MCIDAS: variants seen among roughly 807,000 people sequenced by gnomAD.
MCIDAS encodes multicilin.
Under a neutral mutation model 35.4 loss-of-function variants are expected in MCIDAS, and 23 were observed. The observed-to-expected ratio is 0.65, with a 90% CI of 0.47 to 0.92. The LOEUF is 0.92. MCIDAS is among the 40% of genes least tolerant of loss of function. The pLI is 0.00. For synonymous variants in MCIDAS, 228 were observed against 235.2 expected (o/e 0.97, Z 0.28); for missense variants, 480 against 531.8 (o/e 0.90, Z 0.96).
At chr5:55,222,085 G>C in intron 5 of MCIDAS, 91 bp downstream of exon 5, 2 of 1,234,370 alleles carry the variant, frequency 1.6e-6, no homozygotes. Flanking sequence ...CCGACTCACA[G>C]GACCTCATCT....
At chr5:55,222,804 G>T in intron 4 of MCIDAS, 147 bp downstream of exon 4, 1 of 704,792 alleles carries the variant, frequency 1.4e-6, no homozygotes, top group Non-Finnish European at 2.4e-6. Flanking sequence ...CCTAAATATG[G>T]AAAAGGCTGA....
In MCIDAS at chr5:55,223,463, G is replaced by A. The variant is rs113553075; in HGVS notation, c.310-440C>T. 3.5e-3 allele frequency among the ~76,000 whole-genome samples: 531 copies of A among 152,320 alleles called. 2 individuals are homozygous for A. The highest frequency in any genetic ancestry group is 0.011 in the African/African-American group (455 of 41,580). On this transcript the variant is annotated intron_variant, in intron 3 of 6. Coordinates refer to ENST00000513312, the MANE Select transcript of MCIDAS (RefSeq NM_001190787.3). The surrounding 1 kb of genome is among the most constrained non-coding windows in gnomAD (Gnocchi z 4.4). Reference sequence around the variant, plus strand: ...GGTGCGGCGGCCCTGCGCCGGCTCCGGGCAGCCGAGTAGCCCGCCACCCAC... The same window carrying A: ...GGTGCGGCGGCCCTGCGCCGGCTCCAGGCAGCCGAGTAGCCCGCCACCCAC...
intron 3 of MCIDAS, among the ~76,000 whole-genome samples, chr5:55,225,084 T>C (rs1465659810): frequency 1.3e-5 from 2 of 152,184 alleles, no homozygotes; most frequent in African/African-American, 4.8e-5. Flanking sequence ...TGTGTGCACC[T>C]GTAGTCCTGG....
rs910576217 is a variant in MCIDAS, at chr5:55,223,298, C to T, written c.310-275G>A. The stretch of plus-strand genomic sequence containing the variant: ...CGTACCCGAAAATTCAAGCCCCATC[C>T]GAGACAGGGAACCCAGCAGGCTTGC... On this transcript the variant is annotated intron_variant, in intron 3 of 6. Transcript: ENST00000513312. The surrounding 1 kb of genome is among the most constrained non-coding windows in gnomAD (Gnocchi z 4.4). 1.3e-5 allele frequency among the ~76,000 whole-genome samples: 2 copies of T among 152,126 alleles called. No individual in the cohort carries two copies. The highest frequency in any genetic ancestry group is 2.9e-5 in the Non-Finnish European group (2 of 68,026).
intron 4 of MCIDAS, 76 bp from the exon 5 acceptor site, chr5:55,222,475 G>A: frequency 8.6e-7 from 1 of 1,160,912 alleles, no homozygotes; most frequent in African/African-American, 1.5e-5. Flanking sequence ...TGCCACTCTG[G>A]GTGTAGGGTG....
chr5:55,222,897 T>A (rs1446093013), intron 4 of MCIDAS, 54 bp downstream of exon 4: 2 of 1,473,196 alleles, frequency 1.4e-6, no homozygotes, highest in South Asian at 2.4e-5. Context: ...CTAGTCTGAT[T>A]TGGGAGTGGG....
At chr5:55,225,717 T>C (rs1012609539) in intron 3 of MCIDAS, among the ~76,000 whole-genome samples, 2 of 152,228 alleles carry the variant, frequency 1.3e-5, no homozygotes, top group African/African-American at 4.8e-5. Flanking sequence ...CCAGACCTAT[T>C]GCCAGCAAGC....
intron 5 of MCIDAS, among the ~76,000 whole-genome samples, chr5:55,221,474 G>T (rs889448975): frequency 6.6e-6 from 1 of 151,952 alleles, no homozygotes; most frequent in African/African-American, 2.4e-5. Context: ...TAAGTGGGAA[G>T]AAAAAGTATA....
chr5:55,226,825 C>T lies in MCIDAS; in HGVS notation c.217+10G>A. On this transcript the variant is annotated intron_variant, in intron 2 of 6. Transcript: ENST00000513312. The stretch of plus-strand genomic sequence containing the variant: ...AACCCGAGGGGTAGCGTGGGTGCCA[C>T]GGGGCTCACCTGGCAGCGCTGTGGG... 1 of 1,389,378 alleles carries T rather than the reference C, an allele frequency of 7.2e-7. No homozygotes were observed. The highest frequency in any genetic ancestry group is 3.0e-5 in the East Asian group (1 of 33,174). 86.1% of individuals were successfully genotyped at this position (1,389,378 alleles called of 1,614,324 possible).
chr5:55,224,756 C>G (rs1339715627), intron 3 of MCIDAS, among the ~76,000 whole-genome samples: 1 of 152,142 alleles, frequency 6.6e-6, no homozygotes, highest in African/African-American at 2.4e-5. Context: ...TCCACCTTTC[C>G]CAGCAGGAAA....
intron 3 of MCIDAS, among the ~76,000 whole-genome samples, chr5:55,224,472 A>C (rs1745420215): frequency 6.6e-6 from 1 of 152,174 alleles, no homozygotes; most frequent in African/African-American, 2.4e-5. Context: ...CACCTCTGCC[A>C]CTAGTTGGAT....
Position 55,221,086 on chromosome 5 carries a change from G to T in MCIDAS, c.647C>A (p.Ser216Ter), listed in dbSNP as rs1242856584. ...TLTQKQEEIASLKERNVQLKE... is the reference protein window; with the variant it reads ...TLTQKQEEIA ...CAGCTGCACGTTCCGCTCCTTGAGC[G>T]AGGCGATCTCCTCCTGTTTCTGGGT... The change falls in exon 6 of 7, where the codon TCG (serine) becomes TAG (stop). Residue 216 changes from serine to a stop codon, truncating the protein, a stop_gained. Transcript: ENST00000513312. LOFTEE classifies it high-confidence loss of function. The T allele has an allele frequency of 1.3e-6, 2 of 1,536,080 alleles. No homozygotes were observed. The highest frequency in any genetic ancestry group is 2.0e-5 in the Admixed American group (1 of 50,992).
At chr5:55,222,481 G>A (rs1745379704) in intron 4 of MCIDAS, 82 bp from the exon 5 acceptor site, 9 of 1,133,712 alleles carry the variant, frequency 7.9e-6, no homozygotes, top group Middle Eastern at 2.5e-4. Flanking sequence ...TCTGGGTGTA[G>A]GGTGTATGTA....
chr5:55,226,990 C>T (rs752470559), intron 1 of MCIDAS, 29 bp downstream of exon 1: 2 of 1,512,466 alleles, frequency 1.3e-6, no homozygotes, highest in African/African-American at 1.4e-5. Context: ...AGCGCGCAGA[C>T]CCCGCCCGGC....
At position 55,223,949 on chromosome 5, in the gene MCIDAS, G is replaced by A. The variant is rs1293004530; in HGVS notation, c.310-926C>T. On this transcript the variant is annotated intron_variant, in intron 3 of 6. Transcript: ENST00000513312. This position sits in a 1 kb window ranked among gnomAD's most constrained non-coding sequence, Gnocchi z 4.4. ...GGAAAGGAGACCCTAAGGGGCTGGA[G>A]GCGCATAGGCCTTCTTGTTCCCTTA... Among the ~76,000 whole-genome samples, 2 of 152,146 alleles carry A rather than the reference G, an allele frequency of 1.3e-5. No individual in the cohort carries two copies. Among genetic ancestry groups the A allele is most frequent in the Non-Finnish European group, 2.9e-5 (2 of 68,032 alleles).
Position 55,227,189 on chromosome 5 carries a change from G to A in MCIDAS, c.-51C>T. ...CTGCTCGGAGGCGGCGGCCCGGGCT[G>A]GGGCAGCGATCCACACCCTGCACTC... On this transcript the variant is annotated 5_prime_UTR_variant, in exon 1 of 7. Coordinates refer to ENST00000513312, the MANE Select transcript of MCIDAS (RefSeq NM_001190787.3). 4 of 1,398,878 alleles carry A rather than the reference G, an allele frequency of 2.9e-6. No homozygotes were observed. The highest frequency in any genetic ancestry group is 3.7e-6 in the Non-Finnish European group (4 of 1,085,348). 86.7% of individuals were successfully genotyped at this position (1,398,878 alleles called of 1,614,324 possible).
rs1441258524 is a variant in MCIDAS, at chr5:55,226,933, T to C, written c.121-2A>G. The stretch of plus-strand genomic sequence containing the variant: ...GAAGAACTTCCGCGGAGGAGCGAAC[T>C]GGCCGGGCACACAAACGTTGAACGC... On this transcript the variant is annotated splice_acceptor_variant, in intron 1 of 6. Coordinates refer to ENST00000513312, the MANE Select transcript of MCIDAS (RefSeq NM_001190787.3). LOFTEE classifies it high-confidence loss of function. 6.9e-7 allele frequency: 1 copy of C among 1,447,136 alleles called. No homozygotes were observed. Among genetic ancestry groups the C allele is most frequent in the Non-Finnish European group, 9.0e-7 (1 of 1,107,656 alleles). 89.6% of individuals were successfully genotyped at this position (1,447,136 alleles called of 1,614,324 possible).
Position 55,220,643 on chromosome 5 carries a change from G to T in MCIDAS, c.881C>A (p.Ala294Asp). ...LREISERCDE[A>D]LQSRDPKRPR... Reference sequence around the variant, plus strand: ...CCGCTTGGGATCGCGGCTCTGAAGGGCTTCATCGCAGCGCTCGGAAATCTC... The same window carrying T: ...CCGCTTGGGATCGCGGCTCTGAAGGTCTTCATCGCAGCGCTCGGAAATCTC... The change falls in exon 7 of 7, where the codon GCC becomes GAC. Residue 294 changes from alanine to aspartate, a missense_variant. By Grantham distance (126) the Ala-to-Asp change is moderately radical (BLOSUM62 -2). Transcript: ENST00000513312. 4 of 1,536,114 alleles carry T rather than the reference G, an allele frequency of 2.6e-6. No homozygotes were observed. The highest frequency in any genetic ancestry group is 2.4e-5 in the East Asian group (1 of 40,910).
In MCIDAS at chr5:55,220,184, G is replaced by A; in HGVS notation, c.*182C>T. 1 of 612,082 alleles carries A rather than the reference G, an allele frequency of 1.6e-6. No individual in the cohort carries two copies. The highest frequency in any genetic ancestry group is 2.8e-6 in the Non-Finnish European group (1 of 355,402). 37.9% of individuals were successfully genotyped at this position (612,082 alleles called of 1,614,324 possible). ...ATACATATATAAACAGAGTTTCACT[G>A]TGACAAGGGGAGGGGCTATACAATG... On this transcript the variant is annotated 3_prime_UTR_variant, in exon 7 of 7. Coordinates refer to ENST00000513312, the MANE Select transcript of MCIDAS (RefSeq NM_001190787.3).
Sources: gnomAD v4.1 joint callset for allele counts (sites outside exome capture counted in the v4.1 genomes callset) on GRCh38, gnomAD v4.1.1 for gene constraint, Gnocchi (gnomAD v3.1) non-coding constraint, MANE v1.5 for transcripts, NCBI Gene and HGNC (gene_info 2026-07-23, HGNC 2026-07-21) for gene names.